Variants in NUDT3 observed in about 807,000 individuals in gnomAD.
NUDT3 encodes diphosphoinositol polyphosphate phosphohydrolase 1.
Under a neutral mutation model 23.6 loss-of-function variants are expected in NUDT3, and 9 were observed. The ratio of observed to expected loss-of-function variants is 0.38; its 90% CI spans 0.23 to 0.66. The LOEUF (loss-of-function observed/expected upper bound fraction) is 0.66, where lower values mean the gene tolerates loss of function less well. NUDT3 is among the 30% of genes least tolerant of loss of function. The probability of loss-of-function intolerance (pLI) is 0.52; values close to 1 mark genes in which losing one functional copy is unlikely to be tolerated. For missense variants in NUDT3, 172 were observed against 218.5 expected (o/e 0.79, Z 1.34); for synonymous variants, 86 against 82.6 (o/e 1.04, Z -0.22).
intron 4 of NUDT3, among the ~76,000 whole-genome samples, chr6:34,289,581 A>G (rs1425431073): frequency 6.6e-6 from 1 of 152,198 alleles, no homozygotes; most frequent in Non-Finnish European, 1.5e-5. Context: ...GGGAAAAATC[A>G]ACACGAGCAT....
At chr6:34,362,285 A>C (rs942365962) in intron 1 of NUDT3, among the ~76,000 whole-genome samples, 3 of 152,138 alleles carry the variant, frequency 2.0e-5, no homozygotes, top group South Asian at 2.1e-4. Flanking sequence ...ATCATAGCTC[A>C]CTGCCACCTC....
In NUDT3 at chr6:34,327,327, G is replaced by A. The variant is rs186923782; in HGVS notation, c.210+14535C>T. On this transcript the variant is annotated intron_variant, in intron 2 of 4. Transcript: ENST00000607016. ...GGGTGGATCACGAGGTCAAGAGATCGAGACCATCCTGGCCAACATGGTGAA... is the reference window on the plus strand; with the variant it reads ...GGGTGGATCACGAGGTCAAGAGATCAAGACCATCCTGGCCAACATGGTGAA... Among the ~76,000 whole-genome samples the A allele has an allele frequency of 5.3e-5, 8 of 151,976 alleles. No individual in the cohort carries two copies. In the Middle Eastern group the frequency reaches 0.02, roughly 388 times the overall value.
intron 1 of NUDT3, among the ~76,000 whole-genome samples, chr6:34,373,846 T>C (rs113878279): frequency 2.9e-4 from 44 of 152,052 alleles, no homozygotes; most frequent in African/African-American, 9.9e-4. Flanking sequence ...GTACTGGGAG[T>C]CTGTTTTAGA....
rs1480601433 is a variant in NUDT3, at chr6:34,282,298, G to C, written c.*6455C>G. On this transcript the variant is annotated 3_prime_UTR_variant, in exon 5 of 5. Coordinates refer to ENST00000607016, the MANE Select transcript of NUDT3 (RefSeq NM_006703.4). ...TTACCATTTTCAATTCAGCACCAAA[G>C]TGCTCAGAAAGACAGGCTCAGATCA... The C allele has an allele frequency of 6.6e-6, 1 of 152,170 alleles. No individual in the cohort carries two copies. Among genetic ancestry groups the C allele is most frequent in the African/African-American group, 2.4e-5 (1 of 41,436 alleles). 9.4% of individuals were successfully genotyped at this position (152,170 alleles called of 1,614,324 possible). A position where few individuals can be genotyped will look rare whatever the true frequency, so the allele number is the denominator to read the frequency against.
intron 2 of NUDT3, among the ~76,000 whole-genome samples, chr6:34,299,620 T>A (rs1242972963): frequency 4.6e-5 from 6 of 130,982 alleles, no homozygotes; most frequent in South Asian, 2.4e-4. Context: ...TTTTTTTTTT[T>A]AAAGTCCAGG....
intron 1 of NUDT3, among the ~76,000 whole-genome samples, chr6:34,390,985 T>C (rs937892992): frequency 6.6e-6 from 1 of 152,300 alleles, no homozygotes; most frequent in East Asian, 1.9e-4. Flanking sequence ...CAATATATGG[T>C]AGGATACAAA....
intron 2 of NUDT3, among the ~76,000 whole-genome samples, chr6:34,331,837 T>C (rs746989605): frequency 6.6e-6 from 1 of 152,114 alleles, no homozygotes; most frequent in Non-Finnish European, 1.5e-5. Flanking sequence ...CTTGAACAAG[T>C]TGGTAGGGTG....
intron 2 of NUDT3, among the ~76,000 whole-genome samples, chr6:34,296,361 C>G (rs181304854): frequency 1.4e-3 from 220 of 152,198 alleles, no homozygotes; most frequent in Non-Finnish European, 2.4e-3. Context: ...ATCACTTGAG[C>G]TCAGGAGTTC....
intron 1 of NUDT3, among the ~76,000 whole-genome samples, chr6:34,387,246 T>A (rs560058345): frequency 2.1e-4 from 32 of 152,296 alleles, no homozygotes; most frequent in Admixed American, 2.6e-4. Context: ...TCTATTTTTT[T>A]AAAAAGTTAA....
rs534739103 is a variant in NUDT3, at chr6:34,288,771, C to T, written c.501G>A (p.Ser167=). The change falls in exon 5 of 5, where the codon TCG becomes TCA. Residue 167 remains serine, a synonymous_variant. Coordinates refer to ENST00000607016, the MANE Select transcript of NUDT3 (RefSeq NM_006703.4). ...ATTYSVSAQS[S]MSGIR ...TCTTCAGTCATCTGATGCCTGACAT[C>T]GAGCTCTGAGCAGAAACCGAGTATG... is the stretch of plus-strand genomic sequence containing the variant. 19 of 1,611,008 alleles carry T rather than the reference C, an allele frequency of 1.2e-5. No homozygotes were observed. The highest frequency in any genetic ancestry group is 3.4e-5 in the Admixed American group (2 of 59,042).
intron 1 of NUDT3, among the ~76,000 whole-genome samples, chr6:34,365,412 A>C (rs1414452290): frequency 2.0e-5 from 3 of 152,100 alleles, no homozygotes; most frequent in Non-Finnish European, 2.9e-5. Flanking sequence ...CTGGCAACAG[A>C]GCAAGACTCT....
intron 1 of NUDT3, among the ~76,000 whole-genome samples, chr6:34,381,342 A>G (rs554347720): frequency 6.6e-6 from 1 of 152,248 alleles, no homozygotes; most frequent in African/African-American, 2.4e-5. Context: ...CAGTAGACTG[A>G]AGCTCAGATT....
intron 1 of NUDT3, among the ~76,000 whole-genome samples, chr6:34,373,044 C>A (rs1016422163): frequency 3.3e-5 from 5 of 151,848 alleles, no homozygotes; most frequent in Non-Finnish European, 7.4e-5. Flanking sequence ...CTTTGGGAAG[C>A]CGAGGCGGGC....
intron 4 of NUDT3, among the ~76,000 whole-genome samples, chr6:34,289,611 G>A (rs1763388177): frequency 6.6e-6 from 1 of 152,106 alleles, no homozygotes; most frequent in African/African-American, 2.4e-5. Context: ...GAATTACTAG[G>A]ATGGCTGGTT....
At chr6:34,350,167 C>G (rs1021549270) in intron 1 of NUDT3, among the ~76,000 whole-genome samples, 1 of 150,898 alleles carries the variant, frequency 6.6e-6, no homozygotes, top group Non-Finnish European at 1.5e-5. Context: ...GATTAACAAA[C>G]TACATGACTG....
In NUDT3 at chr6:34,306,173, G is replaced by A. The variant is rs186291473; in HGVS notation, c.211-10488C>T. On this transcript the variant is annotated intron_variant, in intron 2 of 4. Coordinates refer to ENST00000607016, the MANE Select transcript of NUDT3 (RefSeq NM_006703.4). The stretch of plus-strand genomic sequence containing the variant: ...TTGAAGTCTTCAATATGGCTATTGA[G>A]TTGACTTTCCCCGTAACTCTGATAA... Among the ~76,000 whole-genome samples, 185 of 152,318 alleles carry A rather than the reference G, an allele frequency of 1.2e-3. 1 individual carries two copies. The East Asian group carries it at 0.013, about 11-fold the overall frequency.
chr6:34,391,975 G>A (rs1765209438), intron 1 of NUDT3, among the ~76,000 whole-genome samples: 1 of 152,096 alleles, frequency 6.6e-6, no homozygotes, highest in African/African-American at 2.4e-5. Flanking sequence ...GCCTTCTCCC[G>A]CGGCCGCTCT....
intron 1 of NUDT3, among the ~76,000 whole-genome samples, chr6:34,358,258 T>TACACACACACACAC (rs71538235): frequency 3.8e-4 from 55 of 144,696 alleles, no homozygotes; most frequent in African/African-American, 7.6e-4. Context: ...ATGAGTAGTT[T>TACACACACACACAC]ACACACACAC....
chr6:34,367,507 TG>T lies in NUDT3; in HGVS notation c.99+24756del, dbSNP rs200246742. On this transcript the variant is annotated intron_variant, in intron 1 of 4. Coordinates refer to ENST00000607016, the MANE Select transcript of NUDT3 (RefSeq NM_006703.4). ...CATTAAAAAAAAAAAGAAAAAAAAA[TG>T]TAATAAATAAAAGGTACTAATAGTT... 2.6e-4 allele frequency among the ~76,000 whole-genome samples: 34 copies of T among 131,596 alleles called. 1 individual carries two copies. Among genetic ancestry groups the T allele is most frequent in the African/African-American group, 8.6e-4 (32 of 37,140 alleles). 86.3% of individuals were successfully genotyped at this position (131,596 alleles called of 152,430 possible). A position where few individuals can be genotyped will look rare whatever the true frequency, so the allele number is the denominator to read the frequency against.
Sources: gnomAD v4.1 joint callset for allele counts (sites outside exome capture counted in the v4.1 genomes callset) on GRCh38, gnomAD v4.1.1 for gene constraint, MANE v1.5 for transcripts, NCBI Gene and HGNC (gene_info 2026-07-23, HGNC 2026-07-21) for gene names.